GGTA1: variants seen among roughly 807,000 people sequenced by gnomAD.
GGTA1 encodes the protein inactive N-acetyllactosaminide alpha-1,3-galactosyltransferase.
Under a neutral mutation model 2.6 loss-of-function variants are expected in GGTA1, and 5 were observed. The ratio of observed to expected loss-of-function variants is 1.92; its 90% CI spans 1.00 to 4.04. GGTA1 has a LOEUF of 4.04. Ranked by LOEUF, GGTA1 falls within the 30% of genes most tolerant of loss-of-function variation. GGTA1 has a pLI of 0.00. For synonymous variants in GGTA1, 17 were observed against 5.0 expected (o/e 3.38, Z -3.19); for missense variants, 50 against 16.7 (o/e 2.99, Z -3.47).
At chr9:121,463,865 GAAAA>G (rs913037642) in intron 2 of GGTA1, among the ~76,000 whole-genome samples, 1 of 150,380 alleles carries the variant, frequency 6.6e-6, no homozygotes, top group Admixed American at 6.6e-5. Context: ...TCTTCCTCCA[GAAAA>G]AAAAAGCATC....
chr9:121,497,264 C>G (rs1412000319), intron 1 of GGTA1, among the ~76,000 whole-genome samples: 1 of 152,120 alleles, frequency 6.6e-6, no homozygotes, highest in African/African-American at 2.4e-5. Context: ...AGAGTACATT[C>G]ATTTCAGATA....
intron 5 of GGTA1, among the ~76,000 whole-genome samples, chr9:121,457,723 A>T (rs570172976): frequency 1.3e-5 from 2 of 149,598 alleles, no homozygotes. Context: ...AAAACAGTAT[A>T]TAAAGAACAG....
chr9:121,453,898 C>T (rs968429343), downstream of GGTA1, among the ~76,000 whole-genome samples: 4 of 152,122 alleles, frequency 2.6e-5, no homozygotes, highest in Non-Finnish European at 4.4e-5. Context: ...ACTCTCCTCT[C>T]GGGCCTCCTG....
chr9:121,474,533 GC>G (rs1384151199), intron 1 of GGTA1, among the ~76,000 whole-genome samples: 1 of 151,916 alleles, frequency 6.6e-6, no homozygotes, highest in Non-Finnish European at 1.5e-5. Context: ...TTTCCATATG[GC>G]CTATAAGTGA....
chr9:121,460,531 A>G (rs952588428), intron 4 of GGTA1, among the ~76,000 whole-genome samples: 2 of 152,174 alleles, frequency 1.3e-5, no homozygotes, highest in Non-Finnish European at 2.9e-5. Context: ...ATTTTAGTTT[A>G]TGATTGTCTT....
chr9:121,483,215 T>A (rs921486345), intron 1 of GGTA1, among the ~76,000 whole-genome samples: 9 of 152,244 alleles, frequency 5.9e-5, no homozygotes, highest in Admixed American at 4.6e-4. Flanking sequence ...AAGGTCAACA[T>A]ACAGAGGCTC....
chr9:121,487,436 C>A (rs1288703877), intron 1 of GGTA1, among the ~76,000 whole-genome samples: 1 of 151,746 alleles, frequency 6.6e-6, no homozygotes, highest in African/African-American at 2.4e-5. Context: ...ATTAGCCGGG[C>A]TTGGTGGTGC....
rs551960525 is a variant in GGTA1, at chr9:121,457,997, C to T, written c.298+2107G>A. The stretch of plus-strand genomic sequence containing the variant: ...TGATCTTGGCTCACTGCAACCTCTG[C>T]CTCCTGGGTTCAAGCAATTCTCATA... On this transcript the variant is annotated intron_variant, in intron 5 of 5. Coordinates refer to ENST00000481799, the MANE Select transcript of GGTA1 (RefSeq NM_001382585.1). Among the ~76,000 whole-genome samples, 16 of 150,614 alleles carry T rather than the reference C, an allele frequency of 1.1e-4. No homozygotes were observed. In the South Asian group the frequency reaches 3.4e-3, roughly 32 times the overall value.
chr9:121,451,094 T>A (rs2064875979), downstream of GGTA1, among the ~76,000 whole-genome samples: 1 of 151,856 alleles, frequency 6.6e-6, no homozygotes, highest in Admixed American at 6.6e-5. Context: ...AATAGGAAAA[T>A]TGGACTTTTA....
chr9:121,480,209 C>G (rs1427345541), intron 1 of GGTA1, among the ~76,000 whole-genome samples: 1 of 152,026 alleles, frequency 6.6e-6, no homozygotes, highest in African/African-American at 2.4e-5. Flanking sequence ...GCACATGCCA[C>G]CACGCCCAGC....
chr9:121,459,040 A>C (rs1420886782), intron 5 of GGTA1, among the ~76,000 whole-genome samples: 1 of 152,248 alleles, frequency 6.6e-6, no homozygotes, highest in Non-Finnish European at 1.5e-5. Flanking sequence ...ATCAAATGAC[A>C]TATGGGAAGC....
chr9:121,464,586 C>G (rs2064988339), intron 2 of GGTA1, among the ~76,000 whole-genome samples: 1 of 130,400 alleles, frequency 7.7e-6, no homozygotes, highest in East Asian at 1.9e-4. Flanking sequence ...ATCAGCCTTC[C>G]AAAGTACTGA....
intron 5 of GGTA1, among the ~76,000 whole-genome samples, chr9:121,459,578 T>C (rs1263410925): frequency 6.6e-6 from 1 of 152,220 alleles, no homozygotes; most frequent in African/African-American, 2.4e-5. Flanking sequence ...AGATGTCCCA[T>C]AAGCACCTGC....
At chr9:121,471,182 A>G (rs1828381120) in intron 1 of GGTA1, among the ~76,000 whole-genome samples, 1 of 152,224 alleles carries the variant, frequency 6.6e-6, no homozygotes, top group South Asian at 2.1e-4. Flanking sequence ...GCCACACACC[A>G]AATGTCATTG....
intron 1 of GGTA1, among the ~76,000 whole-genome samples, chr9:121,489,643 A>C (rs765014537): frequency 6.6e-6 from 1 of 152,246 alleles, no homozygotes; most frequent in Non-Finnish European, 1.5e-5. Context: ...AGAAATTGGC[A>C]AAGACCACAT....
intron 2 of GGTA1, among the ~76,000 whole-genome samples, chr9:121,467,160 T>G (rs918119479): frequency 1.7e-4 from 26 of 152,134 alleles, no homozygotes; most frequent in African/African-American, 6.3e-4. Context: ...GGCATTTCTG[T>G]GGCTGCTTGT....
chr9:121,464,710 C>CA (rs1439060879), intron 2 of GGTA1, among the ~76,000 whole-genome samples: 6 of 152,200 alleles, frequency 3.9e-5, no homozygotes, highest in Non-Finnish European at 8.8e-5. Flanking sequence ...TTGTAGTTCC[C>CA]ATCATGATCA....
intron 5 of GGTA1, among the ~76,000 whole-genome samples, chr9:121,456,977 CATT>C (rs1404139159): frequency 2.6e-4 from 40 of 152,166 alleles, no homozygotes; most frequent in African/African-American, 9.7e-4. Flanking sequence ...CAACACAACT[CATT>C]ATTGACTGAA....
intron 1 of GGTA1, among the ~76,000 whole-genome samples, chr9:121,472,975 T>A (rs1361900684): frequency 1.3e-5 from 2 of 152,148 alleles, no homozygotes; most frequent in Admixed American, 1.3e-4. Context: ...CTGGAGCTTA[T>A]CTATGGCTTG....
Sources: allele counts gnomAD v4.1 joint callset (sites outside exome capture counted in the v4.1 genomes callset), GRCh38; gene constraint gnomAD v4.1.1; transcripts MANE v1.5; gene names NCBI Gene and HGNC (gene_info 2026-07-23, HGNC 2026-07-21).